The following ACOT11 variants were observed in gnomAD, a reference collection of about 807,000 sequenced individuals.
ACOT11 encodes the protein acyl-coenzyme A thioesterase 11.
In ACOT11, 69 loss-of-function variants were observed where a neutral mutation model predicts 77.5. The ratio of observed to expected loss-of-function variants is 0.89; its 90% CI spans 0.73 to 1.09. ACOT11 has a LOEUF of 1.09. Ranked by LOEUF, ACOT11 falls within the 50% of genes least tolerant of loss-of-function variation. The pLI is 0.00. For synonymous variants in ACOT11, 279 were observed against 313.0 expected (o/e 0.89, Z 1.15); for missense variants, 766 against 813.7 (o/e 0.94, Z 0.71).
chr1:54,586,623 G>A (rs899532217), intron 3 of ACOT11, among the ~76,000 whole-genome samples: 1 of 151,948 alleles, frequency 6.6e-6, no homozygotes, highest in African/African-American at 2.4e-5. Context: ...TAGTAGAGAC[G>A]GGGTTTCGCC....
chr1:54,614,966 ACAG>A, downstream of ACOT11: 34 of 612,856 alleles, frequency 5.5e-5, no homozygotes, highest in Non-Finnish European at 9.0e-5. Flanking sequence ...ATGTGCGTGC[ACAG>A]TGGAGTCAGG....
At chr1:54,603,806 A>G (rs1231290556) in intron 10 of ACOT11, 65 bp from the exon 11 acceptor site, 1 of 1,459,708 alleles carries the variant, frequency 6.9e-7, no homozygotes, top group Non-Finnish European at 9.6e-7. Flanking sequence ...GTAGGCCTGC[A>G]GTAGAGTCTG....
At chr1:54,565,933 C>A (rs1294723232) in intron 1 of ACOT11, among the ~76,000 whole-genome samples, 1 of 152,170 alleles carries the variant, frequency 6.6e-6, no homozygotes, top group Non-Finnish European at 1.5e-5. Flanking sequence ...CTCATTCTTT[C>A]CCTAATTCAC....
chr1:54,570,968 T>C (rs555896044), intron 1 of ACOT11, among the ~76,000 whole-genome samples: 1 of 152,248 alleles, frequency 6.6e-6, no homozygotes, highest in East Asian at 1.9e-4. Flanking sequence ...CAGGCCTGCC[T>C]TGGCTTTTTA....
intron 7 of ACOT11, 62 bp downstream of exon 7, chr1:54,597,477 C>T (rs1373399813): frequency 3.3e-6 from 5 of 1,517,548 alleles, no homozygotes; most frequent in Admixed American, 2.0e-5. Context: ...CCTTGGCTAC[C>T]TCCCTCTGGA....
intron 1 of ACOT11, among the ~76,000 whole-genome samples, chr1:54,551,150 GAAAA>G (rs1057072352): frequency 4.1e-5 from 5 of 122,938 alleles, no homozygotes; most frequent in Admixed American, 2.4e-4. Context: ...AAAAAAAAAA[GAAAA>G]AAAACCAGCA....
chr1:54,568,240 C>A (rs1266376804), intron 1 of ACOT11, among the ~76,000 whole-genome samples: 2 of 152,060 alleles, frequency 1.3e-5, no homozygotes, highest in Non-Finnish European at 1.5e-5. Flanking sequence ...CCACCACCTT[C>A]TTTCTGTTAC....
At chr1:54,633,603 C>CA (rs1475244809) in intron 16 of ACOT11, among the ~76,000 whole-genome samples, 1 of 152,186 alleles carries the variant, frequency 6.6e-6, no homozygotes, top group African/African-American at 2.4e-5. Flanking sequence ...CAGTGCATGC[C>CA]AAACAGCCCA....
At chr1:54,592,860 A>G (rs1654761248) in intron 4 of ACOT11, among the ~76,000 whole-genome samples, 1 of 152,222 alleles carries the variant, frequency 6.6e-6, no homozygotes, top group Non-Finnish European at 1.5e-5. Context: ...CATAGATTCC[A>G]GTGTGGGACT....
intron 1 of ACOT11, among the ~76,000 whole-genome samples, chr1:54,554,351 A>ATATATTTT (rs1553161034): frequency 1.0e-5 from 1 of 97,258 alleles, no homozygotes; most frequent in Admixed American, 1.2e-4. Flanking sequence ...ATATATATAT[A>ATATATTTT]TTTTTTTTTT....
chr1:54,633,307 C>G (rs1009644846), intron 16 of ACOT11, among the ~76,000 whole-genome samples: 1 of 152,158 alleles, frequency 6.6e-6, no homozygotes, highest in African/African-American at 2.4e-5. Context: ...AACATTTTCT[C>G]CTTGGAATTC....
exon 17 of ACOT11, chr1:54,636,157 TTC>T (rs1336372997): frequency 6.6e-6 from 1 of 152,222 alleles, no homozygotes; most frequent in East Asian, 1.9e-4. Flanking sequence ...CTGTGGGTGT[TTC>T]TCGTTAGGTG....
At chr1:54,557,758 C>A (rs1256167097) in intron 1 of ACOT11, among the ~76,000 whole-genome samples, 1 of 152,032 alleles carries the variant, frequency 6.6e-6, no homozygotes, top group African/African-American at 2.4e-5. Context: ...ATTTATTATT[C>A]CTACCAGTTT....
At chr1:54,611,829 G>T, downstream of ACOT11, 2 of 1,536,942 alleles carry the variant, frequency 1.3e-6, no homozygotes, top group South Asian at 1.2e-5. Context: ...CTGGATGTCA[G>T]CTGGGCGCAG....
At chr1:54,594,132 G>A (rs1654813243) in intron 5 of ACOT11, 93 bp downstream of exon 5, 4 of 1,172,078 alleles carry the variant, frequency 3.4e-6, no homozygotes, top group African/African-American at 1.5e-5. Context: ...TTAGGGGTTG[G>A]CAGAGGGGAT....
exon 17 of ACOT11, chr1:54,634,890 C>A: frequency 2.0e-6 from 1 of 506,386 alleles, no homozygotes; most frequent in East Asian, 3.1e-5. Flanking sequence ...AAGAAGCTGT[C>A]ACAGATGGCG....
intron 4 of ACOT11, 88 bp from the exon 5 acceptor site, chr1:54,593,853 G>C (rs914776080): frequency 1.3e-4 from 151 of 1,135,002 alleles, no homozygotes; most frequent in Middle Eastern, 2.0e-4. Flanking sequence ...GCCTGGGCTG[G>C]GACTTGCTGT....
At chr1:54,548,366 C>A in intron 1 of ACOT11, 24 bp downstream of exon 1, 1 of 1,596,582 alleles carries the variant, frequency 6.3e-7, no homozygotes, top group Admixed American at 1.7e-5. Flanking sequence ...GCTGGGGCAG[C>A]GGGAGGGCTC....
intron 1 of ACOT11, among the ~76,000 whole-genome samples, chr1:54,576,853 A>G (rs1654135136): frequency 6.6e-6 from 1 of 152,184 alleles, no homozygotes; most frequent in Non-Finnish European, 1.5e-5. Flanking sequence ...AGTTCTTCCT[A>G]TAAGCCAAAC....
Sources: gnomAD v4.1 joint callset for allele counts (sites outside exome capture counted in the v4.1 genomes callset) on GRCh38, gnomAD v4.1.1 for gene constraint, MANE v1.5 for transcripts, NCBI Gene and HGNC (gene_info 2026-07-23, HGNC 2026-07-21) for gene names.